MYO5B: variants seen among roughly 807,000 people sequenced by gnomAD.
The protein encoded by MYO5B is myosin VB.
In MYO5B, 143 loss-of-function variants were observed where a neutral mutation model predicts 229.3. The ratio of observed to expected loss-of-function variants is 0.62; its 90% CI spans 0.54 to 0.72. The LOEUF (loss-of-function observed/expected upper bound fraction) is 0.72. Among genes scored for constraint, MYO5B ranks in the 30% least tolerant of loss-of-function variants. The probability of loss-of-function intolerance (pLI) is 0.00; values close to 1 mark genes in which losing one functional copy is unlikely to be tolerated. For missense variants in MYO5B, 2,321 were observed against 2,331.0 expected, an observed-to-expected ratio of 1.00 and a Z score of 0.09; for synonymous variants, 918 against 885.2, an observed-to-expected ratio of 1.04 and a Z score of -0.66.
intron 14 of MYO5B, among the ~76,000 whole-genome samples, chr18:49,938,847 C>G (rs2025280238): frequency 6.6e-6 from 1 of 152,158 alleles, no homozygotes; most frequent in Admixed American, 6.5e-5. Flanking sequence ...AGGCCCCTCT[C>G]TCAAGGTTGA....
intron 14 of MYO5B, among the ~76,000 whole-genome samples, chr18:49,943,668 C>T (rs1343027778): frequency 1.3e-5 from 2 of 152,284 alleles, no homozygotes; most frequent in African/African-American, 4.8e-5. Context: ...AAATATGCAA[C>T]AAATGTTGTG....
chr18:50,147,133 G>C (rs951846017), intron 1 of MYO5B, among the ~76,000 whole-genome samples: 4 of 152,144 alleles, frequency 2.6e-5, no homozygotes, highest in Admixed American at 2.6e-4. Flanking sequence ...CTCTAGAACA[G>C]TATGTCCAAA....
At chr18:49,882,007 T>G (rs1190411198) in intron 22 of MYO5B, among the ~76,000 whole-genome samples, 2 of 152,158 alleles carry the variant, frequency 1.3e-5, no homozygotes, top group East Asian at 3.9e-4. Flanking sequence ...CCTTTGCGCT[T>G]GGATCCCCTA....
Position 49,939,727 on chromosome 18 carries a change from A to G in MYO5B, c.1753-2330T>C, listed in dbSNP as rs78761275. Among the ~76,000 whole-genome samples, 592 of 152,314 alleles carry G rather than the reference A, an allele frequency of 3.9e-3. 5 individuals carry two copies. Among genetic ancestry groups the G allele is most frequent in the African/African-American group, 0.014 (568 of 41,564 alleles). ...CTAGAACCTCGGCCTCCGGATGCCCAGGTCAGAATTTGTTTCAATACAGAA... is the reference window on the plus strand; with the variant it reads ...CTAGAACCTCGGCCTCCGGATGCCCGGGTCAGAATTTGTTTCAATACAGAA... On this transcript the variant is annotated intron_variant, in intron 14 of 39. Transcript: ENST00000285039.
At chr18:49,951,118 G>A (rs2025426408) in intron 14 of MYO5B, among the ~76,000 whole-genome samples, 1 of 152,184 alleles carries the variant, frequency 6.6e-6, no homozygotes, top group African/African-American at 2.4e-5. Flanking sequence ...GTCATGACTT[G>A]CTTCTAGGGG....
Position 49,992,362 on chromosome 18 carries a change from A to G in MYO5B, c.682T>C (p.Phe228Leu). ...SRFGKYIQIG[F>L]DKRYHIIGAN... ...CCGATGATGTGGTACCTTTTGTCAA[A>G]GCCAATCTGGATGTACTTGCCAAAA... The change falls in exon 6 of 40, where the codon TTT (phenylalanine) becomes CTT (leucine). Residue 228 changes from phenylalanine to leucine, a missense_variant. Transcript: ENST00000285039. 6.2e-7 allele frequency: 1 copy of G among 1,614,182 alleles called. No homozygotes were observed. Among genetic ancestry groups the G allele is most frequent in the Non-Finnish European group, 8.5e-7 (1 of 1,180,032 alleles).
At chr18:50,155,663 G>A (rs2032667275) in intron 1 of MYO5B, among the ~76,000 whole-genome samples, 1 of 152,178 alleles carries the variant, frequency 6.6e-6, no homozygotes, top group African/African-American at 2.4e-5. Flanking sequence ...TACCAGAGTA[G>A]ATGCAAAAAG....
intron 23 of MYO5B, chr18:49,879,294 A>C (rs1041203321): frequency 1.6e-6 from 1 of 624,646 alleles, no homozygotes; most frequent in Non-Finnish European, 2.8e-6. Context: ...AGGGAGAGAA[A>C]GACCCTGCTC....
chr18:50,091,053 TACC>T (rs2031437055), intron 1 of MYO5B, among the ~76,000 whole-genome samples: 2 of 151,224 alleles, frequency 1.3e-5, no homozygotes, highest in Non-Finnish European at 3.0e-5. Context: ...GGTGTCCAGG[TACC>T]ACCAGCATGA....
chr18:49,902,628 T>C lies in MYO5B; in HGVS notation c.2777A>G (p.Lys926Arg). The C allele has an allele frequency of 6.2e-7, 1 of 1,613,296 alleles. No individual in the cohort carries two copies. ...LKRLNVGMEN[K>R]VVQLQRKIDE... ...GATCTTCCGCTGCAGCTGGACCACCTTGTTCTCCATGCCCACGTTGAGACG... is the reference window on the plus strand; with the variant it reads ...GATCTTCCGCTGCAGCTGGACCACCCTGTTCTCCATGCCCACGTTGAGACG... The change falls in exon 21 of 40, where the codon AAG becomes AGG. Residue 926 changes from lysine (K) to arginine (R), a missense_variant. By Grantham distance (26) the Lys-to-Arg change is conservative (BLOSUM62 2). Transcript: ENST00000285039.
chr18:49,974,798 GACACAC>G lies in MYO5B; in HGVS notation c.1057-189_1057-184del, dbSNP rs10680505. Among the ~76,000 whole-genome samples the G allele has an allele frequency of 1.3e-4, 17 of 131,094 alleles. No individual in the cohort carries two copies. In the South Asian group the frequency reaches 2.8e-3, roughly 21 times the overall value. The allele number at this position is 131,094 out of a possible 152,430, so 86.0% of individuals were successfully genotyped here. ...TCTCTCTCACACACACACACACACAGACACACACACACACACACACACACACACACT... is the reference window on the plus strand; with the variant it reads ...TCTCTCTCACACACACACACACACAGACACACACACACACACACACACACT... On this transcript the variant is annotated intron_variant, in intron 9 of 39. Transcript: ENST00000285039.
At chr18:50,170,848 G>C (rs2032911159) in intron 1 of MYO5B, among the ~76,000 whole-genome samples, 1 of 128,254 alleles carries the variant, frequency 7.8e-6, no homozygotes, top group South Asian at 2.7e-4. Flanking sequence ...GATCAAGTAA[G>C]AGTAAACAGG....
intron 10 of MYO5B, among the ~76,000 whole-genome samples, chr18:49,963,410 T>TC (rs2025584597): frequency 6.7e-6 from 1 of 149,324 alleles, no homozygotes; most frequent in African/African-American, 2.5e-5. Context: ...TTTAATTAAT[T>TC]AATTAATTTA....
chr18:49,976,186 A>G (rs1287647393), intron 9 of MYO5B, among the ~76,000 whole-genome samples: 1 of 152,308 alleles, frequency 6.6e-6, no homozygotes, highest in South Asian at 2.1e-4. Context: ...ATGACCCTCA[A>G]TTGCTTGTGG....
intron 27 of MYO5B, among the ~76,000 whole-genome samples, chr18:49,866,220 C>T (rs1052087595): frequency 2.0e-5 from 3 of 152,062 alleles, no homozygotes; most frequent in Non-Finnish European, 2.9e-5. Context: ...AGGCGCCCAC[C>T]ACCACGCCTG....
chr18:49,847,283 TG>T lies in MYO5B; in HGVS notation c.4321del (p.Gln1441ArgfsTer45). 6.2e-7 allele frequency: 1 copy of T among 1,613,374 alleles called. No homozygotes were observed. The highest frequency in any genetic ancestry group is 1.1e-5 in the South Asian group (1 of 91,012). The stretch of plus-strand genomic sequence containing the variant: ...CTTCCTCTCACTCTGGGCCAATGCC[TG>T]GGCAGCTGAGCAGGAAAGAAAACAG... ...MKKAQDLEAA[Q>X]ALAQSERKRH... On this transcript the variant is annotated frameshift_variant, in exon 33 of 40. Coordinates refer to ENST00000285039, the MANE Select transcript of MYO5B (RefSeq NM_001080467.3). LOFTEE classifies it high-confidence loss of function.
intron 21 of MYO5B, among the ~76,000 whole-genome samples, chr18:49,897,503 T>C (rs1002382579): frequency 6.6e-6 from 1 of 152,212 alleles, no homozygotes; most frequent in Non-Finnish European, 1.5e-5. Context: ...ATGGGGTATA[T>C]AAAATGTTTT....
At position 50,194,982 on chromosome 18, in the gene MYO5B, A is replaced by C; in HGVS notation, c.-189T>G. ...GCTCGCTCCCGGCGGCGCGACCTTT[A>C]CTCCCGCCGCGGCGGCGCAGCTACG... On this transcript the variant is annotated 5_prime_UTR_variant, in exon 1 of 40. Coordinates refer to ENST00000285039, the MANE Select transcript of MYO5B (RefSeq NM_001080467.3). 1 of 784,644 alleles carries C rather than the reference A, an allele frequency of 1.3e-6. No individual in the cohort carries two copies. Among genetic ancestry groups the C allele is most frequent in the Non-Finnish European group, 1.7e-6 (1 of 591,744 alleles). The allele number at this position is 784,644 out of a possible 1,614,324, so 48.6% of individuals were successfully genotyped here. A position where few individuals can be genotyped will look rare whatever the true frequency, so the allele number is the denominator to read the frequency against.
chr18:49,974,391 G>A lies in MYO5B; in HGVS notation c.1281C>T (p.Ser427=). 1 of 1,614,216 alleles carries A rather than the reference G, an allele frequency of 6.2e-7. No homozygotes were observed. Among genetic ancestry groups the A allele is most frequent in the Non-Finnish European group, 8.5e-7 (1 of 1,180,030 alleles). The change falls in exon 10 of 40, where the codon TCC becomes TCT. Residue 427 remains serine (S), a synonymous_variant. Transcript: ENST00000285039. The part of the protein sequence containing the change: ...VEHINKALHT[S]LKQHSFIGVL... ...CCCCGATGAAGGAGTGCTGCTTGAG[G>A]GAGGTGTGCAGGGCCTTGTTGATGT... is the stretch of plus-strand genomic sequence containing the variant.
Sources: allele counts gnomAD v4.1 joint callset (sites outside exome capture counted in the v4.1 genomes callset), GRCh38; gene constraint gnomAD v4.1.1; transcripts MANE v1.5; gene names NCBI Gene and HGNC (gene_info 2026-07-23, HGNC 2026-07-21).